Variants in PARD3 observed in about 807,000 individuals in gnomAD.
PARD3 encodes par-3 family cell polarity regulator, also known as partitioning defective 3 homolog.
In PARD3, 75 loss-of-function variants were observed where a neutral mutation model predicts 155.4. The ratio of observed to expected loss-of-function variants is 0.48; its 90% CI spans 0.40 to 0.58. The LOEUF is 0.58. Ranked by LOEUF, PARD3 falls within the 20% of genes least tolerant of loss-of-function variation. PARD3 has a pLI of 0.00. For synonymous variants in PARD3, 576 were observed against 610.5 expected (o/e 0.94, Z 0.83); for missense variants, 1,642 against 1,721.7 (o/e 0.95, Z 0.82).
chr10:34,607,514 A>G (rs1412371297), intron 2 of PARD3, among the ~76,000 whole-genome samples: 1 of 152,202 alleles, frequency 6.6e-6, no homozygotes, highest in East Asian at 1.9e-4. Context: ...AAAAAAAGGG[A>G]TATTCTGTGT....
At chr10:34,561,417 G>A (rs191730426) in intron 2 of PARD3, among the ~76,000 whole-genome samples, 13 of 152,208 alleles carry the variant, frequency 8.5e-5, no homozygotes, top group Admixed American at 8.5e-4. Flanking sequence ...TTTATACAAA[G>A]TCATATTCAT....
chr10:34,652,706 G>T (rs1335927019), intron 2 of PARD3, among the ~76,000 whole-genome samples: 1 of 152,152 alleles, frequency 6.6e-6, no homozygotes, highest in Non-Finnish European at 1.5e-5. Context: ...GTGTGCTGAG[G>T]ATTTCCCTAG....
At position 34,518,608 on chromosome 10, in the gene PARD3, A is replaced by T. The variant is rs532167641; in HGVS notation, c.223-1449T>A. On this transcript the variant is annotated intron_variant, in intron 2 of 24. Transcript: ENST00000374788. ...ATCATTATCCAAAGAATAAACTAAA[A>T]TCCATGAGTCCATAATGATATAAAT... 2.0e-5 allele frequency among the ~76,000 whole-genome samples: 3 copies of T among 152,330 alleles called. No individual in the cohort carries two copies. The South Asian group carries it at 6.2e-4, about 32-fold the overall frequency.
intron 22 of PARD3, among the ~76,000 whole-genome samples, chr10:34,221,388 CTTTT>C (rs3039277): frequency 8.3e-6 from 1 of 119,768 alleles, no homozygotes; most frequent in Admixed American, 8.3e-5. Flanking sequence ...CAGGACTTGC[CTTTT>C]TTTTTTTTTT....
chr10:34,439,007 G>C (rs112699647), intron 5 of PARD3, among the ~76,000 whole-genome samples: 5,223 of 152,240 alleles, frequency 0.034, 256 homozygotes, highest in African/African-American at 0.11. Context: ...CTAGAAGAGA[G>C]AGAGAAAAAC....
intron 21 of PARD3, among the ~76,000 whole-genome samples, chr10:34,280,612 T>C (rs1437979593): frequency 6.6e-6 from 1 of 152,174 alleles, no homozygotes; most frequent in Non-Finnish European, 1.5e-5. Flanking sequence ...ACAACACTGC[T>C]TTAAACTTGC....
chr10:34,387,130 A>C (rs1159877060), intron 7 of PARD3, among the ~76,000 whole-genome samples: 6 of 152,202 alleles, frequency 3.9e-5, no homozygotes. Flanking sequence ...CACTCCAGTT[A>C]ATGAGTTTTT....
intron 5 of PARD3, among the ~76,000 whole-genome samples, chr10:34,442,212 C>T (rs1466942609): frequency 5.9e-5 from 9 of 152,230 alleles, no homozygotes; most frequent in African/African-American, 1.7e-4. Context: ...ATTGACTTCA[C>T]GCTACAGAAT....
chr10:34,227,626 G>A (rs61840215), intron 22 of PARD3, among the ~76,000 whole-genome samples: 60 of 151,974 alleles, frequency 3.9e-4, no homozygotes, highest in Non-Finnish European at 6.6e-4. Context: ...CAACAAGAGC[G>A]AAACTCTGTC....
chr10:34,554,371 A>T (rs2084823410), intron 2 of PARD3, among the ~76,000 whole-genome samples: 1 of 152,256 alleles, frequency 6.6e-6, no homozygotes, highest in South Asian at 2.1e-4. Flanking sequence ...CTTATATTCC[A>T]TGTTAGTAAT....
intron 5 of PARD3, among the ~76,000 whole-genome samples, chr10:34,404,942 C>T (rs767325507): frequency 6.6e-6 from 1 of 151,924 alleles, no homozygotes; most frequent in Non-Finnish European, 1.5e-5. Flanking sequence ...TGAGATAGTG[C>T]GTGCCTGTAG....
intron 1 of PARD3, among the ~76,000 whole-genome samples, chr10:34,763,415 C>T (rs1404560300): frequency 6.6e-6 from 1 of 152,184 alleles, no homozygotes; most frequent in Non-Finnish European, 1.5e-5. Flanking sequence ...ATGCCACCCA[C>T]CTGCATCAGC....
intron 23 of PARD3, among the ~76,000 whole-genome samples, chr10:34,129,866 C>G (rs542608925): frequency 1.4e-5 from 2 of 141,456 alleles, no homozygotes; most frequent in Admixed American, 1.5e-4. Context: ...GATGGGGTCT[C>G]CCTATGTTGC....
chr10:34,344,697 G>T, intron 15 of PARD3: 1 of 985,380 alleles, frequency 1.0e-6, no homozygotes, highest in Non-Finnish European at 1.2e-6. Flanking sequence ...ACTTTCTGAT[G>T]AATGTCCAGG....
At position 34,587,836 on chromosome 10, in the gene PARD3, T is replaced by A. The variant is rs74132064; in HGVS notation, c.223-70677A>T. Among the ~76,000 whole-genome samples, 1,199 of 152,294 alleles carry A rather than the reference T, an allele frequency of 7.9e-3. 16 individuals are homozygous for A. Among genetic ancestry groups the A allele is most frequent in the African/African-American group, 0.028 (1,147 of 41,556 alleles). ...CATCTTACAAATCATTGCGGATAAG[T>A]GCCCTGAGATAATTTCCATCAGCAC... On this transcript the variant is annotated intron_variant, in intron 2 of 24. Coordinates refer to ENST00000374788, the MANE Select transcript of PARD3 (RefSeq NM_001184785.2).
chr10:34,645,401 T>G (rs1027786793), intron 2 of PARD3, among the ~76,000 whole-genome samples: 1 of 152,056 alleles, frequency 6.6e-6, no homozygotes, highest in Non-Finnish European at 1.5e-5. Flanking sequence ...AGACGGGGTT[T>G]CATCGTGTTG....
chr10:34,466,222 T>G (rs1249529045), intron 4 of PARD3, among the ~76,000 whole-genome samples: 1 of 152,120 alleles, frequency 6.6e-6, no homozygotes, highest in East Asian at 1.9e-4. Context: ...ACATGAAATA[T>G]TTTAAGAAAT....
chr10:34,576,714 C>G (rs368503404), intron 2 of PARD3, among the ~76,000 whole-genome samples: 20 of 152,062 alleles, frequency 1.3e-4, no homozygotes, highest in African/African-American at 4.3e-4. Flanking sequence ...CAGTCTCCAA[C>G]CCAAAGATAA....
chr10:34,152,819 A>G (rs1948839836), intron 22 of PARD3, among the ~76,000 whole-genome samples: 1 of 152,202 alleles, frequency 6.6e-6, no homozygotes, highest in Admixed American at 6.5e-5. Context: ...AAAGGCAGAG[A>G]AAAGTAAGAT....
Sources: gnomAD v4.1 joint callset for allele counts (sites outside exome capture counted in the v4.1 genomes callset) on GRCh38, gnomAD v4.1.1 for gene constraint, MANE v1.5 for transcripts, NCBI Gene and HGNC (gene_info 2026-07-23, HGNC 2026-07-21) for gene names.